MLLT10: variants seen among roughly 807,000 people sequenced by gnomAD.
The protein encoded by MLLT10 is MLLT10 histone lysine methyltransferase DOT1L cofactor.
A neutral mutation model predicts 129.1 loss-of-function variants in MLLT10; 30 were observed. The observed-to-expected ratio is 0.23, with a 90% CI of 0.17 to 0.32. The LOEUF (loss-of-function observed/expected upper bound fraction) is 0.32, where lower values mean the gene tolerates loss of function less well. Among genes scored for constraint, MLLT10 ranks in the 10% least tolerant of loss-of-function variants. MLLT10 has a pLI of 1.00. For synonymous variants in MLLT10, 490 were observed against 446.4 expected, an observed-to-expected ratio of 1.10 and a Z score of -1.23; for missense variants, 1,119 against 1,268.3, an observed-to-expected ratio of 0.88 and a Z score of 1.79.
In MLLT10 at chr10:21,567,061, C is replaced by T. The variant is rs548933918; in HGVS notation, c.241-19233C>T. On this transcript the variant is annotated intron_variant, in intron 3 of 22. Transcript: ENST00000307729. ...CTTCCGACTTGAGGTGATCCACCCA[C>T]CTCGGCCTCCCAAAGTGATGGGATT... 1.1e-3 allele frequency among the ~76,000 whole-genome samples: 161 copies of T among 152,322 alleles called. 2 individuals carry two copies. In the South Asian group the frequency reaches 0.032, roughly 31 times the overall value.
chr10:21,721,809 G>A (rs147585723), intron 14 of MLLT10, among the ~76,000 whole-genome samples: 2,371 of 152,096 alleles, frequency 0.016, 34 homozygotes, highest in Middle Eastern at 0.031. Context: ...AGTGACTTAA[G>A]CTTAGTTCAA....
chr10:21,619,071 T>TACACACACAC (rs2045562181), intron 8 of MLLT10, among the ~76,000 whole-genome samples: 4 of 123,696 alleles, frequency 3.2e-5, no homozygotes, highest in Non-Finnish European at 5.3e-5. Flanking sequence ...CACACACACT[T>TACACACACAC]TTTTTAGATC....
rs568571902 is a variant in MLLT10, at chr10:21,630,716, A to G, written c.699+13509A>G. ...TATTAAAGTCCTCTGTGTCCAATGC[A>G]GGAGTCTTGTGTCATCTTCTACCAG... On this transcript the variant is annotated intron_variant, in intron 8 of 22. Coordinates refer to ENST00000307729, the MANE Select transcript of MLLT10 (RefSeq NM_001195626.3). Among the ~76,000 whole-genome samples, 3 of 152,326 alleles carry G rather than the reference A, an allele frequency of 2.0e-5. No homozygotes were observed. In the East Asian group the frequency reaches 5.8e-4, roughly 29 times the overall value.
chr10:21,692,032 G>T (rs2053906377), intron 13 of MLLT10, among the ~76,000 whole-genome samples: 1 of 150,068 alleles, frequency 6.7e-6, no homozygotes, highest in Non-Finnish European at 1.5e-5. Context: ...AAAGAGCCAG[G>T]TGGGGTGGTG....
intron 8 of MLLT10, among the ~76,000 whole-genome samples, chr10:21,639,441 T>C (rs541346977): frequency 5.9e-5 from 9 of 152,334 alleles, no homozygotes; most frequent in African/African-American, 1.9e-4. Context: ...TGGATTAGTT[T>C]GCTAGAGTGG....
At chr10:21,689,037 C>T (rs1325537983) in intron 13 of MLLT10, among the ~76,000 whole-genome samples, 1 of 152,060 alleles carries the variant, frequency 6.6e-6, no homozygotes. Context: ...CACTCATTTC[C>T]CTCCCCTACA....
intron 9 of MLLT10, chr10:21,668,864 C>A (rs2051109882): frequency 2.3e-5 from 26 of 1,118,136 alleles, no homozygotes; most frequent in Non-Finnish European, 2.9e-5. Flanking sequence ...AGCAAAAATA[C>A]ATGAGTGAAG....
chr10:21,614,648 G>T (rs939128486), intron 6 of MLLT10, among the ~76,000 whole-genome samples, 183 bp from the exon 7 acceptor site: 2 of 152,164 alleles, frequency 1.3e-5, no homozygotes, highest in African/African-American at 4.8e-5. Flanking sequence ...AAAAAGATCA[G>T]TTGCAGGTTG....
At chr10:21,581,996 T>A (rs1268697418) in intron 3 of MLLT10, among the ~76,000 whole-genome samples, 1 of 152,188 alleles carries the variant, frequency 6.6e-6, no homozygotes, top group East Asian at 1.9e-4. Context: ...GCAATAGGAA[T>A]TTTTTAGTTC....
At chr10:21,575,130 T>C (rs1417224184) in intron 3 of MLLT10, among the ~76,000 whole-genome samples, 1 of 152,176 alleles carries the variant, frequency 6.6e-6, no homozygotes, top group Non-Finnish European at 1.5e-5. Flanking sequence ...CTACTTACTT[T>C]GGGTTTACTT....
intron 3 of MLLT10, among the ~76,000 whole-genome samples, chr10:21,541,538 A>G (rs1028921056): frequency 2.6e-5 from 4 of 152,196 alleles, no homozygotes; most frequent in Admixed American, 6.5e-5. Context: ...GACATGCGCC[A>G]CCACACCCAG....
At chr10:21,718,497 G>T (rs1257101609) in intron 14 of MLLT10, among the ~76,000 whole-genome samples, 2 of 152,116 alleles carry the variant, frequency 1.3e-5, no homozygotes, top group Non-Finnish European at 2.9e-5. Context: ...TTTAGTAGAA[G>T]AACTTAAGAC....
chr10:21,717,563 C>A (rs1361846162), intron 14 of MLLT10, among the ~76,000 whole-genome samples: 1 of 113,380 alleles, frequency 8.8e-6, no homozygotes, highest in Non-Finnish European at 1.7e-5. Context: ...CTTCTTCTTT[C>A]TTCCTCTTCC....
chr10:21,572,978 C>G (rs946309522), intron 3 of MLLT10, among the ~76,000 whole-genome samples: 8 of 151,862 alleles, frequency 5.3e-5, no homozygotes, highest in African/African-American at 1.9e-4. Flanking sequence ...CATTTTTTAG[C>G]AATTATAAAG....
At chr10:21,609,121 C>T (rs2044349015) in intron 5 of MLLT10, among the ~76,000 whole-genome samples, 1 of 152,124 alleles carries the variant, frequency 6.6e-6, no homozygotes, top group African/African-American at 2.4e-5. Context: ...TAGGACCCAC[C>T]TTCCCTCCAC....
chr10:21,619,923 CTTTT>C (rs758874656), intron 8 of MLLT10, among the ~76,000 whole-genome samples: 13 of 147,270 alleles, frequency 8.8e-5, no homozygotes, highest in Non-Finnish European at 2.0e-4. Context: ...GTTTTTTTTT[CTTTT>C]TCTTTTCTTT....
chr10:21,555,772 G>T lies in MLLT10; in HGVS notation c.240+16860G>T, dbSNP rs566330752. Among the ~76,000 whole-genome samples the T allele has an allele frequency of 1.2e-3, 179 of 148,698 alleles. 1 individual carries two copies. The highest frequency in any genetic ancestry group is 4.3e-3 in the African/African-American group (174 of 40,398). Reference sequence around the variant, plus strand: ...AACCTCTGCCTCCCGGGTTCAAGTGGTTCTTCTGCCTCAGCCTCCTGAGTA... The same window carrying T: ...AACCTCTGCCTCCCGGGTTCAAGTGTTTCTTCTGCCTCAGCCTCCTGAGTA... On this transcript the variant is annotated intron_variant, in intron 3 of 22. Coordinates refer to ENST00000307729, the MANE Select transcript of MLLT10 (RefSeq NM_001195626.3).
intron 8 of MLLT10, among the ~76,000 whole-genome samples, chr10:21,633,675 C>G (rs921944166): frequency 6.6e-6 from 1 of 152,160 alleles, no homozygotes; most frequent in Non-Finnish European, 1.5e-5. Flanking sequence ...GCCTGGATGA[C>G]AGAGACCCTG....
intron 3 of MLLT10, among the ~76,000 whole-genome samples, chr10:21,576,186 T>A (rs2040716343): frequency 6.6e-6 from 1 of 151,752 alleles, no homozygotes; most frequent in South Asian, 2.1e-4. Flanking sequence ...CGCCTTGGCA[T>A]CCCAAAGTGC....
Sources: allele counts gnomAD v4.1 joint callset (sites outside exome capture counted in the v4.1 genomes callset), GRCh38; gene constraint gnomAD v4.1.1; transcripts MANE v1.5; gene names NCBI Gene and HGNC (gene_info 2026-07-23, HGNC 2026-07-21).